Variants in RBFOX1 observed in about 807,000 individuals in gnomAD.
RBFOX1 encodes RNA binding protein fox-1 homolog 1.
RBFOX1 carries 8 observed loss-of-function variants against 57.7 expected under a neutral mutation model. The observed-to-expected ratio is 0.14, with a 90% CI of 0.08 to 0.25. The LOEUF (loss-of-function observed/expected upper bound fraction) is 0.25, where lower values mean the gene tolerates loss of function less well. Ranked by LOEUF, RBFOX1 falls within the 10% of genes least tolerant of loss-of-function variation. RBFOX1 has a pLI of 1.00. For synonymous variants in RBFOX1, 326 were observed against 222.4 expected (o/e 1.47, Z -4.15); for missense variants, 611 against 548.5 (o/e 1.11, Z -1.14).
chr16:7,409,690 C>G (rs1325812129), intron 4 of RBFOX1, among the ~76,000 whole-genome samples: 1 of 152,212 alleles, frequency 6.6e-6, no homozygotes, highest in Non-Finnish European at 1.5e-5. Flanking sequence ...TGGCTATTCC[C>G]TTAACCCCAT....
intron 1 of RBFOX1, among the ~76,000 whole-genome samples, chr16:6,274,241 T>A (rs2075547893): frequency 6.6e-6 from 1 of 152,198 alleles, no homozygotes; most frequent in East Asian, 1.9e-4. Context: ...ACACAAAACC[T>A]GTTCACCAAT....
intron 4 of RBFOX1, among the ~76,000 whole-genome samples, chr16:5,990,110 G>C (rs1596355618): frequency 3.9e-5 from 6 of 152,198 alleles, no homozygotes; most frequent in African/African-American, 1.4e-4. Flanking sequence ...CTCAGCCTCT[G>C]GAGTAGCTGG....
intron 4 of RBFOX1, among the ~76,000 whole-genome samples, chr16:5,951,767 G>A (rs934403839): frequency 6.7e-6 from 1 of 149,624 alleles, no homozygotes; most frequent in Admixed American, 6.8e-5. Context: ...TATCTTTAAA[G>A]GACACAAGGG....
intron 4 of RBFOX1, among the ~76,000 whole-genome samples, chr16:7,234,595 T>G (rs1250793763): frequency 2.2e-5 from 3 of 134,014 alleles, no homozygotes; most frequent in African/African-American, 7.2e-5. Flanking sequence ...CATATGTGTG[T>G]GTGTGTGTGT....
chr16:5,328,701 C>T (rs2064657196), intron 1 of RBFOX1, among the ~76,000 whole-genome samples: 1 of 152,236 alleles, frequency 6.6e-6, no homozygotes, highest in African/African-American at 2.4e-5. Flanking sequence ...TCCTGCGGAG[C>T]TGCCAGTGGA....
intron 3 of RBFOX1, among the ~76,000 whole-genome samples, chr16:6,990,312 G>A (rs929365821): frequency 1.4e-4 from 22 of 152,128 alleles, no homozygotes; most frequent in African/African-American, 5.3e-4. Flanking sequence ...GTCACCTGAG[G>A]TCAGGAGTTC....
intron 1 of RBFOX1, among the ~76,000 whole-genome samples, chr16:6,134,566 A>C (rs1229947986): frequency 6.6e-6 from 1 of 152,178 alleles, no homozygotes; most frequent in African/African-American, 2.4e-5. Context: ...ACATGACATT[A>C]GTTCTGCCCT....
At chr16:5,708,920 A>C (rs2051351078) in intron 3 of RBFOX1, among the ~76,000 whole-genome samples, 1 of 152,212 alleles carries the variant, frequency 6.6e-6, no homozygotes, top group Non-Finnish European at 1.5e-5. Flanking sequence ...AGTGAGAGCA[A>C]GAAGAGGAAT....
intron 2 of RBFOX1, among the ~76,000 whole-genome samples, chr16:6,597,804 T>C (rs1327220728): frequency 6.6e-6 from 1 of 152,232 alleles, no homozygotes; most frequent in Non-Finnish European, 1.5e-5. Flanking sequence ...AGCCACCTTT[T>C]TCTGCACTGA....
At chr16:7,207,985 G>C (rs1039595549) in intron 4 of RBFOX1, among the ~76,000 whole-genome samples, 1 of 152,186 alleles carries the variant, frequency 6.6e-6, no homozygotes, top group Non-Finnish European at 1.5e-5. Context: ...CCTCCTGTAA[G>C]TGGGGTTTCT....
In RBFOX1 at chr16:7,208,087, G is replaced by T. The variant is rs74935601; in HGVS notation, c.27+155989G>T. Among the ~76,000 whole-genome samples the T allele has an allele frequency of 1.1e-3, 161 of 152,320 alleles. 1 individual carries two copies. The highest frequency in any genetic ancestry group is 9.5e-3 in the Admixed American group (146 of 15,290). ...TCAATCCTGCAACAGGGAAGCAAGA[G>T]CAACTTTGGTGGTTACAGGAAAAGC... On this transcript the variant is annotated intron_variant, in intron 4 of 15. Transcript: ENST00000550418.
intron 4 of RBFOX1, among the ~76,000 whole-genome samples, chr16:7,517,905 C>T (rs2076720714): frequency 6.6e-6 from 1 of 151,552 alleles, no homozygotes; most frequent in Non-Finnish European, 1.5e-5. Flanking sequence ...GAAAAAGCGA[C>T]TTTATCTTTA....
intron 4 of RBFOX1, among the ~76,000 whole-genome samples, chr16:7,146,440 C>G (rs1290224908): frequency 4.6e-5 from 7 of 152,172 alleles, no homozygotes; most frequent in Non-Finnish European, 7.3e-5. Flanking sequence ...TCTGTCACCC[C>G]CACTGAGGCT....
intron 3 of RBFOX1, among the ~76,000 whole-genome samples, chr16:5,622,162 T>C (rs2048218594): frequency 6.6e-6 from 1 of 152,236 alleles, no homozygotes; most frequent in Non-Finnish European, 1.5e-5. Flanking sequence ...TTGGCATCGA[T>C]GATCCACAAT....
rs572853862 is a variant in RBFOX1, at chr16:7,016,746, C to T, written c.-15-35311C>T. On this transcript the variant is annotated intron_variant, in intron 3 of 15. Transcript: ENST00000550418. ...TCTAAAGTGGAGTTGATTAAACTGT[C>T]TACTTCACTGGGCCGTTTTAGGATG... Among the ~76,000 whole-genome samples, 47 of 152,304 alleles carry T rather than the reference C, an allele frequency of 3.1e-4. 1 individual carries two copies. Among genetic ancestry groups the T allele is most frequent in the African/African-American group, 1.1e-3 (46 of 41,576 alleles).
At chr16:5,352,449 C>G (rs552925205) in intron 1 of RBFOX1, among the ~76,000 whole-genome samples, 2 of 152,292 alleles carry the variant, frequency 1.3e-5, no homozygotes, top group South Asian at 2.1e-4. Flanking sequence ...CACCGGTTGT[C>G]AAACATTTTC....
At chr16:7,417,411 T>TCC (rs1030103649) in intron 4 of RBFOX1, among the ~76,000 whole-genome samples, 5 of 149,474 alleles carry the variant, frequency 3.3e-5, no homozygotes, top group Admixed American at 1.3e-4. Context: ...CATATCCTGT[T>TCC]CCCCCAGTTT....
At chr16:7,232,848 C>T (rs911692952) in intron 4 of RBFOX1, among the ~76,000 whole-genome samples, 1 of 93,086 alleles carries the variant, frequency 1.1e-5, no homozygotes, top group Non-Finnish European at 1.9e-5. Context: ...AACTTCATCT[C>T]TTAATTAAAA....
rs149090023 is a variant in RBFOX1, at chr16:6,476,416, T to C, written c.-64+159359T>C. On this transcript the variant is annotated intron_variant, in intron 2 of 15. Transcript: ENST00000550418. ...AGCCACTGCAATACAGTAAATATCA[T>C]AATAGAGGGAGTCACACTATTTTTT... Among the ~76,000 whole-genome samples the C allele has an allele frequency of 2.2e-4, 34 of 152,306 alleles. No individual in the cohort carries two copies. In the East Asian group the frequency reaches 6.6e-3, roughly 29 times the overall value.
Sources: gnomAD v4.1 joint callset for allele counts (sites outside exome capture counted in the v4.1 genomes callset) on GRCh38, gnomAD v4.1.1 for gene constraint, MANE v1.5 for transcripts, NCBI Gene and HGNC (gene_info 2026-07-23, HGNC 2026-07-21) for gene names.